The following MRPL23 variants were observed in gnomAD, a reference collection of about 807,000 sequenced individuals.
The protein encoded by MRPL23 is large ribosomal subunit protein uL23m.
For synonymous variants in MRPL23, 12 were observed against 34.8 expected (o/e 0.35, Z 2.30); for missense variants, 25 against 81.3 (o/e 0.31, Z 2.66).
the MRPL23 span, among the ~76,000 whole-genome samples, chr11:1,991,724 C>T: frequency 3.0e-4 from 38 of 126,358 alleles, 1 homozygote; most frequent in Admixed American, 2.2e-3. Flanking sequence ...GGCCCCCGCC[C>T]GGACCCACTG....
At chr11:1,979,298 G>C (rs1287202961) in intron 5 of MRPL23, among the ~76,000 whole-genome samples, 1 of 146,418 alleles carries the variant, frequency 6.8e-6, no homozygotes. Flanking sequence ...GCTGCCCTCG[G>C]GCTCTGCCCA....
the MRPL23 span, among the ~76,000 whole-genome samples, chr11:1,994,588 C>A: frequency 1.0e-5 from 1 of 96,168 alleles, no homozygotes; most frequent in African/African-American, 2.7e-5. Flanking sequence ...TCCCCCACAA[C>A]CCCCTGGCTC....
At chr11:1,993,354 G>T in the MRPL23 span, 2 of 92,510 alleles carry the variant, frequency 2.2e-5, 1 homozygote, top group Middle Eastern at 0.015. Context: ...GTGACCAGGA[G>T]GAGACAATCC....
At chr11:1,959,352 C>A (rs1856455252), downstream of MRPL23, among the ~76,000 whole-genome samples, 1 of 71,008 alleles carries the variant, frequency 1.4e-5, no homozygotes, top group African/African-American at 4.4e-5. Context: ...GGTAGCCAAC[C>A]AGGGCTGTGC....
downstream of MRPL23, among the ~76,000 whole-genome samples, chr11:1,959,342 G>A (rs1272227899): frequency 1.3e-5 from 1 of 75,284 alleles, no homozygotes; most frequent in Non-Finnish European, 2.8e-5. Context: ...CTGAGCTTGG[G>A]GTAGCCAACC....
the MRPL23 span, among the ~76,000 whole-genome samples, chr11:1,990,482 C>G: frequency 6.9e-6 from 1 of 144,394 alleles, no homozygotes; most frequent in African/African-American, 2.5e-5. Context: ...CGTCTGTCTC[C>G]CCTGCCCTGC....
At chr11:1,983,818 C>G (rs1856780426) in intron 5 of MRPL23, 1 of 143,764 alleles carries the variant, frequency 7.0e-6, no homozygotes, top group Admixed American at 6.9e-5. Context: ...TGTGGGTCCT[C>G]CCAGCTCGGC....
the MRPL23 span, among the ~76,000 whole-genome samples, chr11:1,994,495 A>C: frequency 2.1e-5 from 2 of 93,896 alleles, no homozygotes; most frequent in South Asian, 8.9e-4. Context: ...GCCACCCTCA[A>C]CTTCTTCCTC....
At chr11:1,959,290 G>T (rs1268777484), downstream of MRPL23, among the ~76,000 whole-genome samples, 1 of 74,146 alleles carries the variant, frequency 1.3e-5, no homozygotes, top group Non-Finnish European at 2.9e-5. Flanking sequence ...GGGTCTGGAA[G>T]GCTTGGCCTC....
At chr11:1,992,414 G>T in the MRPL23 span, 1 of 87,232 alleles carries the variant, frequency 1.1e-5, no homozygotes, top group Non-Finnish European at 3.1e-5. Flanking sequence ...CTAACTGGAT[G>T]ACTTGGTCTT....
At position 1,951,252 on chromosome 11, in the gene MRPL23, A is replaced by AGGCTG. The variant is rs1001589416; in HGVS notation, c.140+232_140+236dup. Among the ~76,000 whole-genome samples the AGGCTG allele has an allele frequency of 1.9e-5, 2 of 102,774 alleles. 1 individual carries two copies. The highest frequency in any genetic ancestry group is 3.9e-5 in the Non-Finnish European group (2 of 51,472). 67.4% of individuals were successfully genotyped at this position (102,774 alleles called of 152,430 possible). On this transcript the variant is annotated intron_variant, in intron 2 of 4. Transcript: ENST00000397298. ...CCTGTAGGTGTGGAGCCCGGCAGGC[A>AGGCTG]GGCTGCACGCCGCCCTCCACCCGGG...
At position 1,983,739 on chromosome 11, in the gene MRPL23, C is replaced by A. The variant is rs1490777861; in HGVS notation, c.498-699C>A. 3 of 145,840 alleles carry A rather than the reference C, an allele frequency of 2.1e-5. 1 individual carries two copies. The highest frequency in any genetic ancestry group is 4.6e-5 in the Non-Finnish European group (3 of 65,448). The allele number at this position is 145,840 out of a possible 1,614,324, so 9.0% of individuals were successfully genotyped here. On this transcript the variant is annotated intron_variant, in intron 5 of 5. Transcript: ENST00000397297. ...CTTCCAGTGGGGTTTGCACAAGGGT[C>A]CACGCCCACAGCCTCAGCCCGGAAC...
the MRPL23 span, among the ~76,000 whole-genome samples, chr11:1,994,615 C>T: frequency 1.4e-4 from 13 of 91,002 alleles, 2 homozygotes; most frequent in African/African-American, 3.7e-4. Context: ...CGGGGCCGTC[C>T]CTCCGGCGTG....
At chr11:1,963,657 CCCCTTAGCCGGGCCAGT>C (rs1455016322), downstream of MRPL23, among the ~76,000 whole-genome samples, 1 of 144,050 alleles carries the variant, frequency 6.9e-6, no homozygotes, top group Non-Finnish European at 1.5e-5. Flanking sequence ...TCTGCAGAGC[CCCCTTAGCCGGGCCAGT>C]CCCGGTCACG....
the MRPL23 span, among the ~76,000 whole-genome samples, chr11:1,991,550 TCACACA>T: frequency 0.03 from 2,027 of 67,772 alleles, 146 homozygotes; most frequent in African/African-American, 0.056. Context: ...TTGTCAGGCA[TCACACA>T]CACACACACA....
the MRPL23 span, among the ~76,000 whole-genome samples, chr11:1,991,479 C>G: frequency 1.6e-5 from 1 of 61,030 alleles, no homozygotes; most frequent in African/African-American, 4.2e-5. Flanking sequence ...CTTCTCGAAC[C>G]TTCCAATCCC....
At position 1,954,459 on chromosome 11, in the gene MRPL23, C is replaced by G. The variant is rs369109766; in HGVS notation, c.297+1604C>G. ...TAGAATCACTGCTAATTGCAAAGCC[C>G]AGGGAGGGAGCATTGGAAAGGTAAA... On this transcript the variant is annotated intron_variant, in intron 4 of 4. Transcript: ENST00000397298. 8.7e-4 allele frequency among the ~76,000 whole-genome samples: 11 copies of G among 12,652 alleles called. 3 individuals are homozygous for G. Among genetic ancestry groups the G allele is most frequent in the African/African-American group, 9.2e-4 (11 of 11,892 alleles). 8.3% of individuals were successfully genotyped at this position (12,652 alleles called of 152,430 possible). A position where few individuals can be genotyped will look rare whatever the true frequency, so the allele number is the denominator to read the frequency against.
At chr11:1,992,325 A>C in the MRPL23 span, 5 of 98,642 alleles carry the variant, frequency 5.1e-5, 1 homozygote, top group East Asian at 1.5e-3. Flanking sequence ...CCACAGAGCC[A>C]CAGGGGACTC....
chr11:1,992,732 C>CT, the MRPL23 span, among the ~76,000 whole-genome samples: 1 of 71,386 alleles, frequency 1.4e-5, no homozygotes, highest in Admixed American at 1.4e-4. Flanking sequence ...TGGAGCCTGT[C>CT]TAACAACCCT....
Sources: gnomAD v4.1 joint callset for allele counts (sites outside exome capture counted in the v4.1 genomes callset) on GRCh38, gnomAD v4.1.1 for gene constraint, MANE v1.5 for transcripts, NCBI Gene and HGNC (gene_info 2026-07-23, HGNC 2026-07-21) for gene names.